Variants in ASTN2 observed in about 807,000 individuals in gnomAD.
The protein encoded by ASTN2 is astrotactin-2.
A neutral mutation model predicts 139.8 loss-of-function variants in ASTN2; 54 were observed. The observed-to-expected ratio is 0.39, with a 90% CI of 0.31 to 0.48. The LOEUF is 0.48. Among genes scored for constraint, ASTN2 ranks in the 20% least tolerant of loss-of-function variants. ASTN2 has a pLI of 0.95. For missense variants in ASTN2, 1,565 were observed against 1,725.1 expected (o/e 0.91, Z 1.64); for synonymous variants, 756 against 719.5 (o/e 1.05, Z -0.81).
At chr9:116,992,085 C>T (rs1220670995) in intron 7 of ASTN2, among the ~76,000 whole-genome samples, 1 of 152,192 alleles carries the variant, frequency 6.6e-6, no homozygotes, top group African/African-American at 2.4e-5. Context: ...AGAGGCCATG[C>T]AAAATGTAAT....
At chr9:116,553,030 A>G (rs1203432408) in intron 19 of ASTN2, among the ~76,000 whole-genome samples, 1 of 152,198 alleles carries the variant, frequency 6.6e-6, no homozygotes, top group Non-Finnish European at 1.5e-5. Flanking sequence ...AGGCCAGGTA[A>G]GACAGAGAAT....
At chr9:117,189,275 C>G (rs74993362) in intron 3 of ASTN2, among the ~76,000 whole-genome samples, 1,979 of 152,250 alleles carry the variant, frequency 0.013, 33 homozygotes, top group East Asian at 0.088. Context: ...GCCCATTCAC[C>G]CATTCATTTT....
At chr9:116,683,755 C>T (rs948144286) in intron 16 of ASTN2, among the ~76,000 whole-genome samples, 16 of 152,150 alleles carry the variant, frequency 1.1e-4, no homozygotes, top group African/African-American at 3.9e-4. Flanking sequence ...TACCTGATTT[C>T]TCCTGAATAT....
intron 2 of ASTN2, among the ~76,000 whole-genome samples, chr9:117,242,646 C>G (rs950166666): frequency 6.6e-6 from 1 of 152,216 alleles, no homozygotes; most frequent in Non-Finnish European, 1.5e-5. Flanking sequence ...AGTCTATTCT[C>G]AAGAGGAAGC....
At chr9:116,776,296 G>T (rs1459967324) in intron 13 of ASTN2, among the ~76,000 whole-genome samples, 2 of 152,186 alleles carry the variant, frequency 1.3e-5, no homozygotes, top group Admixed American at 1.3e-4. Context: ...CATTAATAGA[G>T]TATGGAATTC....
intron 12 of ASTN2, among the ~76,000 whole-genome samples, chr9:116,818,872 AAGG>A (rs1250374002): frequency 6.6e-6 from 1 of 152,224 alleles, no homozygotes; most frequent in East Asian, 1.9e-4. Flanking sequence ...GTTACACAGC[AAGG>A]AGATGTTGAG....
chr9:116,997,400 C>G (rs966479438), intron 7 of ASTN2, among the ~76,000 whole-genome samples: 3 of 152,124 alleles, frequency 2.0e-5, no homozygotes, highest in African/African-American at 7.2e-5. Context: ...TCCCTACAAC[C>G]CATACATGCT....
At chr9:116,916,247 G>A (rs747885147) in intron 10 of ASTN2, among the ~76,000 whole-genome samples, 50 of 152,276 alleles carry the variant, frequency 3.3e-4, no homozygotes, top group African/African-American at 9.1e-4. Flanking sequence ...GTGTTGAGCC[G>A]TCAAAGCAAG....
At chr9:117,301,761 A>G (rs558885538) in intron 1 of ASTN2, among the ~76,000 whole-genome samples, 1 of 152,310 alleles carries the variant, frequency 6.6e-6, no homozygotes, top group East Asian at 1.9e-4. Context: ...AGATGCAAAT[A>G]TCTCCTGGGA....
chr9:117,184,564 C>T (rs1831151495), intron 3 of ASTN2, among the ~76,000 whole-genome samples: 1 of 152,182 alleles, frequency 6.6e-6, no homozygotes, highest in African/African-American at 2.4e-5. Flanking sequence ...ATGACAGTGA[C>T]TGACACCCTT....
Position 117,087,897 on chromosome 9 carries a change from A to T in ASTN2, c.1276+8147T>A, listed in dbSNP as rs141830096. Among the ~76,000 whole-genome samples, 7 of 152,340 alleles carry T rather than the reference A, an allele frequency of 4.6e-5. No homozygotes were observed. In the East Asian group the frequency reaches 1.4e-3, roughly 29 times the overall value. ...CTAGAAGCCCCATTATTTTCTGGGT[A>T]TATTACTGGAAATAATTTCAACCTG... On this transcript the variant is annotated intron_variant, in intron 5 of 22. Coordinates refer to ENST00000313400, the MANE Select transcript of ASTN2 (RefSeq NM_001365068.1).
Position 116,466,930 on chromosome 9 carries a change from C to T in ASTN2, c.3497+20429G>A, listed in dbSNP as rs10120711. On this transcript the variant is annotated intron_variant, in intron 20 of 22. Coordinates refer to ENST00000313400, the MANE Select transcript of ASTN2 (RefSeq NM_001365068.1). ...TGTTTTCCTTACCCAGACATTGTTA[C>T]GCCTTCTTTTGGAAGCATGGTACCT... Among the ~76,000 whole-genome samples, 813 of 152,214 alleles carry T rather than the reference C, an allele frequency of 5.3e-3. 7 individuals are homozygous for T. Among genetic ancestry groups the T allele is most frequent in the African/African-American group, 0.019 (772 of 41,540 alleles).
At chr9:117,080,365 G>A (rs751643537) in intron 5 of ASTN2, among the ~76,000 whole-genome samples, 8 of 152,066 alleles carry the variant, frequency 5.3e-5, no homozygotes, top group Non-Finnish European at 1.0e-4. Flanking sequence ...TCCTCCTATT[G>A]TTGGACATTT....
intron 3 of ASTN2, among the ~76,000 whole-genome samples, chr9:117,192,466 T>C (rs1341649725): frequency 6.6e-6 from 1 of 152,002 alleles, no homozygotes; most frequent in Non-Finnish European, 1.5e-5. Flanking sequence ...AACACAGATA[T>C]TGCCTCCTTG....
At chr9:116,438,907 A>T (rs1233665768) in intron 22 of ASTN2, among the ~76,000 whole-genome samples, 1 of 152,070 alleles carries the variant, frequency 6.6e-6, no homozygotes, top group African/African-American at 2.4e-5. Flanking sequence ...CCAAGATAGC[A>T]CCATTGCTCT....
At chr9:117,083,687 C>T (rs1051404295) in intron 5 of ASTN2, among the ~76,000 whole-genome samples, 1 of 152,138 alleles carries the variant, frequency 6.6e-6, no homozygotes, top group Admixed American at 6.5e-5. Flanking sequence ...GGGAATCCTG[C>T]TGAGCCTAGT....
intron 17 of ASTN2, among the ~76,000 whole-genome samples, chr9:116,644,783 TG>T (rs1234798168): frequency 6.6e-6 from 1 of 152,186 alleles, no homozygotes; most frequent in Non-Finnish European, 1.5e-5. Flanking sequence ...TGTCTCTGAA[TG>T]GGAAACAAAT....
intron 7 of ASTN2, among the ~76,000 whole-genome samples, chr9:116,986,700 G>A (rs984524387): frequency 6.6e-6 from 1 of 152,176 alleles, no homozygotes; most frequent in Non-Finnish European, 1.5e-5. Context: ...AGCAGACAGA[G>A]GCCCAGAGGG....
intron 13 of ASTN2, among the ~76,000 whole-genome samples, chr9:116,743,733 C>T (rs80041275): frequency 0.044 from 6,657 of 152,252 alleles, 184 homozygotes; most frequent in East Asian, 0.095. Flanking sequence ...GAACCCCTGA[C>T]CTCAAATAAT....
Sources: allele counts gnomAD v4.1 joint callset (sites outside exome capture counted in the v4.1 genomes callset), GRCh38; gene constraint gnomAD v4.1.1; transcripts MANE v1.5; gene names NCBI Gene and HGNC (gene_info 2026-07-23, HGNC 2026-07-21).